Variants in TRPC6 observed in about 807,000 individuals in gnomAD.
TRPC6 encodes the protein transient receptor potential cation channel subfamily C member 6.
Under a neutral mutation model 90.7 loss-of-function variants are expected in TRPC6, and 55 were observed. The ratio of observed to expected loss-of-function variants is 0.61; its 90% confidence interval spans 0.49 to 0.76. The LOEUF (loss-of-function observed/expected upper bound fraction) is 0.76. TRPC6 is among the 30% of genes least tolerant of loss of function. The probability of loss-of-function intolerance (pLI) is 0.00; values close to 1 mark genes in which losing one functional copy is unlikely to be tolerated. For missense variants in TRPC6, 989 were observed against 1,122.7 expected (o/e 0.88, Z 1.70); for synonymous variants, 393 against 393.0 (o/e 1.00, Z 0.00).
chr11:101,492,640 A>C (rs925469297), intron 2 of TRPC6, among the ~76,000 whole-genome samples: 1 of 152,142 alleles, frequency 6.6e-6, no homozygotes, highest in Non-Finnish European at 1.5e-5. Flanking sequence ...AATATAACCA[A>C]CTTTTTCCAC....
At chr11:101,500,911 T>A (rs1434142553) in intron 2 of TRPC6, among the ~76,000 whole-genome samples, 2 of 152,116 alleles carry the variant, frequency 1.3e-5, no homozygotes, top group African/African-American at 2.4e-5. Context: ...TTTGCATATA[T>A]CTGAAGGAGA....
chr11:101,541,522 C>G (rs945623278), intron 1 of TRPC6, among the ~76,000 whole-genome samples: 2 of 87,848 alleles, frequency 2.3e-5, no homozygotes, highest in African/African-American at 3.6e-5. Context: ...CCACCACGCC[C>G]GGGTAATTTT....
chr11:101,539,832 A>T (rs2136816974), intron 1 of TRPC6, among the ~76,000 whole-genome samples: 1 of 152,310 alleles, frequency 6.6e-6, no homozygotes, highest in East Asian at 1.9e-4. Context: ...ATTAAGTCCT[A>T]GGCCATCTGT....
intron 1 of TRPC6, among the ~76,000 whole-genome samples, chr11:101,517,024 G>A (rs187729025): frequency 2.0e-5 from 3 of 152,322 alleles, no homozygotes; most frequent in Admixed American, 2.0e-4. Flanking sequence ...ACTGAACTAC[G>A]CTGAAAGCTA....
intron 1 of TRPC6, among the ~76,000 whole-genome samples, chr11:101,554,557 C>A (rs1405307034): frequency 2.0e-5 from 3 of 152,048 alleles, no homozygotes; most frequent in African/African-American, 7.2e-5. Flanking sequence ...GTGTGAGACA[C>A]TGACCTCTAC....
intron 6 of TRPC6, among the ~76,000 whole-genome samples, chr11:101,475,590 C>G (rs148413399): frequency 2.0e-3 from 301 of 152,108 alleles, no homozygotes; most frequent in African/African-American, 7.1e-3. Flanking sequence ...ATCCGTGTAC[C>G]CTTTGTAAAC....
chr11:101,492,610 T>C (rs573977518), intron 2 of TRPC6, among the ~76,000 whole-genome samples: 1 of 152,080 alleles, frequency 6.6e-6, no homozygotes, highest in East Asian at 1.9e-4. Context: ...TGTACCAAAC[T>C]CACCTGTTGA....
chr11:101,580,510 T>C (rs1251604382), intron 1 of TRPC6, among the ~76,000 whole-genome samples: 1 of 152,166 alleles, frequency 6.6e-6, no homozygotes, highest in Admixed American at 6.5e-5. Flanking sequence ...TTGCACATAA[T>C]TGCTCACAAA....
At chr11:101,462,343 GAAGA>G (rs1347727567) in intron 10 of TRPC6, among the ~76,000 whole-genome samples, 1 of 152,192 alleles carries the variant, frequency 6.6e-6, no homozygotes, top group East Asian at 1.9e-4. Context: ...CCAATTCAGT[GAAGA>G]AAGTCAGTGG....
At chr11:101,507,327 G>A (rs1313206139) in intron 1 of TRPC6, among the ~76,000 whole-genome samples, 1 of 144,950 alleles carries the variant, frequency 6.9e-6, no homozygotes, top group Non-Finnish European at 1.5e-5. Context: ...ATATTAAGTG[G>A]GTATTTTTTT....
intron 1 of TRPC6, among the ~76,000 whole-genome samples, chr11:101,545,339 C>A (rs1162065265): frequency 1.3e-5 from 2 of 151,982 alleles, no homozygotes; most frequent in Non-Finnish European, 2.9e-5. Context: ...GGAGGGTGTG[C>A]CTAGGTTATA....
intron 1 of TRPC6, among the ~76,000 whole-genome samples, chr11:101,516,409 C>T (rs1316437039): frequency 2.6e-5 from 4 of 152,080 alleles, no homozygotes; most frequent in Non-Finnish European, 5.9e-5. Context: ...AGAATGTGAT[C>T]GCTGATCATT....
chr11:101,500,757 T>A, intron 2 of TRPC6, among the ~76,000 whole-genome samples: 1 of 152,242 alleles, frequency 6.6e-6, no homozygotes, highest in East Asian at 1.9e-4. Flanking sequence ...AGCTATAATA[T>A]GAGGAATCAC....
At chr11:101,477,821 A>C (rs1252703459) in intron 5 of TRPC6, among the ~76,000 whole-genome samples, 3 of 152,202 alleles carry the variant, frequency 2.0e-5, no homozygotes, top group African/African-American at 7.2e-5. Flanking sequence ...ACATTTATTG[A>C]GTGCTTACTA....
intron 1 of TRPC6, among the ~76,000 whole-genome samples, chr11:101,565,136 AT>A (rs1241487590): frequency 6.6e-6 from 1 of 152,128 alleles, no homozygotes; most frequent in African/African-American, 2.4e-5. Flanking sequence ...GCTCCTTGAC[AT>A]TTGTCTTGAC....
chr11:101,580,179 G>A (rs1280117610), intron 1 of TRPC6, among the ~76,000 whole-genome samples: 1 of 151,954 alleles, frequency 6.6e-6, no homozygotes, highest in East Asian at 1.9e-4. Context: ...AGTTTAGTTG[G>A]ACTGTGTTTT....
intron 1 of TRPC6, among the ~76,000 whole-genome samples, chr11:101,530,889 C>G (rs1228771445): frequency 2.0e-5 from 3 of 152,104 alleles, no homozygotes; most frequent in Non-Finnish European, 4.4e-5. Context: ...TTTATTATCT[C>G]ACTTATAATG....
chr11:101,522,319 T>C (rs1860681116), intron 1 of TRPC6, among the ~76,000 whole-genome samples: 1 of 152,186 alleles, frequency 6.6e-6, no homozygotes, highest in Admixed American at 6.5e-5. Context: ...CCCTTCACTC[T>C]CTTCCTCCTT....
chr11:101,533,744 T>C (rs1311070435), intron 1 of TRPC6, among the ~76,000 whole-genome samples: 1 of 152,152 alleles, frequency 6.6e-6, no homozygotes, highest in Admixed American at 6.5e-5. Context: ...AAACAGGGAC[T>C]TCTATCTTTC....
Sources: gnomAD v4.1 joint callset for allele counts (sites outside exome capture counted in the v4.1 genomes callset) on GRCh38, gnomAD v4.1.1 for gene constraint, MANE v1.5 for transcripts, NCBI Gene and HGNC (gene_info 2026-07-23, HGNC 2026-07-21) for gene names.